FSHR: variants seen among roughly 807,000 people sequenced by gnomAD.
FSHR encodes the protein follicle-stimulating hormone receptor.
In FSHR, 46 loss-of-function variants were observed where a neutral mutation model predicts 52.1. The ratio of observed to expected loss-of-function variants is 0.88; its 90% CI spans 0.70 to 1.13. The LOEUF (loss-of-function observed/expected upper bound fraction) is 1.13. Among genes scored for constraint, FSHR ranks in the 50% most tolerant of loss-of-function variants. The pLI is 0.00. For synonymous variants in FSHR, 399 were observed against 309.6 expected, an observed-to-expected ratio of 1.29 and a Z score of -3.03; for missense variants, 964 against 834.6, an observed-to-expected ratio of 1.16 and a Z score of -1.91.
At chr2:49,037,822 C>G (rs1377248557) in intron 2 of FSHR, among the ~76,000 whole-genome samples, 6 of 151,864 alleles carry the variant, frequency 4.0e-5, no homozygotes, top group African/African-American at 1.5e-4. Flanking sequence ...ATAGTCCTAA[C>G]AGGAAATCCA....
intron 1 of FSHR, among the ~76,000 whole-genome samples, chr2:49,075,015 A>G (rs372546279): frequency 2.0e-5 from 3 of 152,264 alleles, no homozygotes; most frequent in East Asian, 3.9e-4. Flanking sequence ...AAAGTATAAC[A>G]GAGGATACTA....
chr2:49,101,670 A>G (rs1671032673), intron 1 of FSHR, among the ~76,000 whole-genome samples: 1 of 152,188 alleles, frequency 6.6e-6, no homozygotes, highest in South Asian at 2.1e-4. Context: ...TGCTTATAAC[A>G]GAATATCTGA....
rs116863148 is a variant in FSHR, at chr2:49,117,242, C to G, written c.152+37024G>C. 2.0e-4 allele frequency among the ~76,000 whole-genome samples: 31 copies of G among 152,312 alleles called. No homozygotes were observed. The East Asian group carries it at 5.8e-3, about 28-fold the overall frequency. The stretch of plus-strand genomic sequence containing the variant: ...ATATTCACCCTTCCAGACTTCTCAG[C>G]TGCACTTTCCAAATCAAAGCAATCC... On this transcript the variant is annotated intron_variant, in intron 1 of 9. Transcript: ENST00000406846.
intron 1 of FSHR, among the ~76,000 whole-genome samples, chr2:49,129,517 C>G (rs1024825584): frequency 1.3e-5 from 2 of 152,182 alleles, no homozygotes; most frequent in African/African-American, 4.8e-5. Flanking sequence ...TCAGTCCTCA[C>G]TGATGTGAGC....
Position 49,020,173 on chromosome 2 carries a change from A to G in FSHR, c.225-13T>C. On this transcript the variant is annotated splice_polypyrimidine_tract_variant and intron_variant, in intron 2 of 9. Coordinates refer to ENST00000406846, the MANE Select transcript of FSHR (RefSeq NM_000145.4). Reference sequence around the variant, plus strand: ...CTGAGAGATCTCTCTGTGGAGAAAAAAATATATAAGTCAAGCCAGTTCAGT... The same window carrying G: ...CTGAGAGATCTCTCTGTGGAGAAAAGAATATATAAGTCAAGCCAGTTCAGT... The G allele has an allele frequency of 6.2e-7, 1 of 1,607,532 alleles. No individual in the cohort carries two copies. Among genetic ancestry groups the G allele is most frequent in the Non-Finnish European group, 8.5e-7 (1 of 1,174,064 alleles).
At chr2:48,968,563 C>T (rs1389511699) in intron 9 of FSHR, 135 bp downstream of exon 9, 1 of 1,034,052 alleles carries the variant, frequency 9.7e-7, no homozygotes, top group Non-Finnish European at 1.5e-6. Context: ...GAATTTTTGA[C>T]CCAGAATGTG....
At chr2:49,002,659 C>CA (rs1377177660) in intron 4 of FSHR, among the ~76,000 whole-genome samples, 2 of 152,014 alleles carry the variant, frequency 1.3e-5, no homozygotes, top group Admixed American at 1.3e-4. Context: ...TAGCAGCCCC[C>CA]ATGATTCAAC....
chr2:49,004,903 C>A (rs922668879), intron 4 of FSHR, among the ~76,000 whole-genome samples: 3 of 152,042 alleles, frequency 2.0e-5, no homozygotes, highest in Non-Finnish European at 4.4e-5. Flanking sequence ...TAAAATTGCA[C>A]CGAATCTGCA....
intron 1 of FSHR, 151 bp downstream of exon 1, chr2:49,154,115 T>G (rs1673160549): frequency 1.3e-6 from 1 of 799,200 alleles, no homozygotes. Context: ...GCAGGAGGGT[T>G]GGGCTGGGGA....
intron 1 of FSHR, among the ~76,000 whole-genome samples, chr2:49,112,146 C>G (rs1410071280): frequency 6.6e-6 from 1 of 152,064 alleles, no homozygotes; most frequent in Non-Finnish European, 1.5e-5. Context: ...AGTCCTAAAA[C>G]TCAGCAAAGA....
At chr2:49,132,813 A>G (rs1192473840) in intron 1 of FSHR, among the ~76,000 whole-genome samples, 6 of 152,080 alleles carry the variant, frequency 3.9e-5, no homozygotes, top group African/African-American at 1.2e-4. Context: ...GACTTCCAGC[A>G]TGACAGTTTA....
At chr2:49,116,997 G>C (rs1223160366) in intron 1 of FSHR, among the ~76,000 whole-genome samples, 1 of 152,188 alleles carries the variant, frequency 6.6e-6, no homozygotes, top group Non-Finnish European at 1.5e-5. Flanking sequence ...TTGGGAGAGG[G>C]AAGCATTCTT....
intron 6 of FSHR, among the ~76,000 whole-genome samples, chr2:48,986,556 C>T (rs1273264815): frequency 6.6e-6 from 1 of 152,046 alleles, no homozygotes; most frequent in Non-Finnish European, 1.5e-5. Flanking sequence ...AAAATAAGAA[C>T]AATAGAAATT....
At chr2:49,132,357 G>T (rs994339512) in intron 1 of FSHR, among the ~76,000 whole-genome samples, 14 of 152,118 alleles carry the variant, frequency 9.2e-5, no homozygotes, top group Non-Finnish European at 1.9e-4. Flanking sequence ...ATCCTGCTCA[G>T]AAGAAAATAA....
intron 1 of FSHR, among the ~76,000 whole-genome samples, chr2:49,078,990 A>T (rs1670058657): frequency 6.6e-6 from 1 of 152,006 alleles, no homozygotes; most frequent in Admixed American, 6.6e-5. Context: ...ATCATTGTTT[A>T]CACACACACA....
rs574923521 is a variant in FSHR at position 49,054,677 on chromosome 2, TGACA to T, written c.224+13538_224+13541del. 5.2e-3 allele frequency among the ~76,000 whole-genome samples: 793 copies of T among 152,282 alleles called. 7 individuals carry two copies. The highest frequency in any genetic ancestry group is 0.018 in the African/African-American group (733 of 41,558). On this transcript the variant is annotated intron_variant, in intron 2 of 9. Coordinates refer to ENST00000406846, the MANE Select transcript of FSHR (RefSeq NM_000145.4). Reference sequence around the variant, plus strand: ...TGTGTGCACACATGTACCTGTGACCTGACAGACAGTCTAGCAAGCCCACCCCTAG... The same window carrying T: ...TGTGTGCACACATGTACCTGTGACCTGACAGTCTAGCAAGCCCACCCCTAG...
At chr2:49,086,835 G>T (rs1038883915) in intron 1 of FSHR, among the ~76,000 whole-genome samples, 1 of 152,030 alleles carries the variant, frequency 6.6e-6, no homozygotes, top group East Asian at 1.9e-4. Flanking sequence ...TGTTGGCCAT[G>T]GTTGGCCAGG....
intron 8 of FSHR, among the ~76,000 whole-genome samples, chr2:48,971,315 A>C (rs112075643): frequency 6.6e-6 from 1 of 152,132 alleles, no homozygotes; most frequent in Non-Finnish European, 1.5e-5. Context: ...TAAAAGTGCA[A>C]ATCTCATCCC....
chr2:49,142,493 T>C (rs1388984458), intron 1 of FSHR, among the ~76,000 whole-genome samples: 10 of 152,166 alleles, frequency 6.6e-5, no homozygotes, highest in Non-Finnish European at 1.3e-4. Flanking sequence ...GCAAAGCACA[T>C]TAGCTCCACA....
Sources: gnomAD v4.1 joint callset for allele counts (sites outside exome capture counted in the v4.1 genomes callset) on GRCh38, gnomAD v4.1.1 for gene constraint, MANE v1.5 for transcripts, NCBI Gene and HGNC (gene_info 2026-07-23, HGNC 2026-07-21) for gene names.